KCNMA1: variants seen among roughly 807,000 people sequenced by gnomAD.
The protein encoded by KCNMA1 is Calcium-activated potassium channel subunit alpha-1.
Under a neutral mutation model 140.0 loss-of-function variants are expected in KCNMA1, and 29 were observed. The ratio of observed to expected loss-of-function variants is 0.21; its 90% confidence interval spans 0.15 to 0.28. KCNMA1 has a LOEUF of 0.28. KCNMA1 is among the 10% of genes least tolerant of loss of function. KCNMA1 has a pLI of 1.00. For synonymous variants in KCNMA1, 612 were observed against 611.9 expected, an observed-to-expected ratio of 1.00 and a Z score of 0.00; for missense variants, 880 against 1,602.2, an observed-to-expected ratio of 0.55 and a Z score of 7.70.
intron 5 of KCNMA1, among the ~76,000 whole-genome samples, chr10:77,164,629 A>C (rs2098613972): frequency 6.6e-6 from 1 of 151,810 alleles, no homozygotes; most frequent in South Asian, 2.1e-4. Flanking sequence ...TCTCTTCGCT[A>C]TCTAGACCCC....
At chr10:77,139,203 T>C (rs1199399376) in intron 5 of KCNMA1, among the ~76,000 whole-genome samples, 1 of 152,238 alleles carries the variant, frequency 6.6e-6, no homozygotes, top group Non-Finnish European at 1.5e-5. Flanking sequence ...TACTCAATTA[T>C]TCAACGTTTT....
At position 77,628,641 on chromosome 10, in the gene KCNMA1, C is replaced by T. The variant is rs12264589; in HGVS notation, c.378+8624G>A. On this transcript the variant is annotated intron_variant, in intron 1 of 27. Coordinates refer to ENST00000286628, the MANE Select transcript of KCNMA1 (RefSeq NM_001161352.2). ...TGCCAGCCTGGGCAACACAGCAAGA[C>T]GGTATCTCAAAAAAAAAAAAAAATC... Among the ~76,000 whole-genome samples, 1,310 of 149,342 alleles carry T rather than the reference C, an allele frequency of 8.8e-3. 24 individuals carry two copies. Among genetic ancestry groups the T allele is most frequent in the African/African-American group, 0.03 (1,224 of 40,634 alleles).
intron 14 of KCNMA1, among the ~76,000 whole-genome samples, chr10:77,043,142 C>T (rs1195619868): frequency 3.3e-5 from 5 of 152,204 alleles, no homozygotes; most frequent in African/African-American, 1.2e-4. Flanking sequence ...GCCTCTTCCA[C>T]ATCCTTGTGT....
chr10:77,568,033 G>A (rs2069035938), intron 1 of KCNMA1, among the ~76,000 whole-genome samples: 1 of 152,188 alleles, frequency 6.6e-6, no homozygotes, highest in African/African-American at 2.4e-5. Context: ...GACTAAACCA[G>A]GAAGAAGTTG....
intron 2 of KCNMA1, among the ~76,000 whole-genome samples, chr10:77,358,802 A>G (rs542953203): frequency 3.6e-4 from 55 of 152,362 alleles, no homozygotes; most frequent in Admixed American, 5.9e-4. Flanking sequence ...TCTGTATTAC[A>G]TAAAACATGT....
chr10:77,050,717 G>A (rs1476827212), intron 14 of KCNMA1, among the ~76,000 whole-genome samples: 1 of 152,206 alleles, frequency 6.6e-6, no homozygotes, highest in East Asian at 1.9e-4. Context: ...GTAGCAAGGA[G>A]CTGTTCCCAA....
At chr10:77,033,819 G>T (rs2094125333) in intron 15 of KCNMA1, among the ~76,000 whole-genome samples, 1 of 152,104 alleles carries the variant, frequency 6.6e-6, no homozygotes, top group Non-Finnish European at 1.5e-5. Flanking sequence ...CACCTCTTGG[G>T]TCTCTGTAGT....
At chr10:76,969,915 C>T (rs555440115) in intron 20 of KCNMA1, 59 bp downstream of exon 20, 17 of 1,348,958 alleles carry the variant, frequency 1.3e-5, no homozygotes, top group African/African-American at 2.9e-5. Context: ...GAGGAGAGGG[C>T]GAGGGGAGGA....
At chr10:77,200,486 C>T (rs2042106620) in intron 3 of KCNMA1, among the ~76,000 whole-genome samples, 1 of 152,174 alleles carries the variant, frequency 6.6e-6, no homozygotes, top group Non-Finnish European at 1.5e-5. Context: ...TCAGGGCCTG[C>T]TGCTGTCAGA....
At chr10:77,217,611 G>A in intron 3 of KCNMA1, 1 of 435,964 alleles carries the variant, frequency 2.3e-6, no homozygotes, top group Non-Finnish European at 4.7e-6. Context: ...AGAACAAAGT[G>A]GAAAATGAGA....
At chr10:76,963,876 C>T (rs901174665) in intron 20 of KCNMA1, among the ~76,000 whole-genome samples, 1 of 152,138 alleles carries the variant, frequency 6.6e-6, no homozygotes, top group African/African-American at 2.4e-5. Flanking sequence ...TCAGGCCACA[C>T]GGGTCTGTCT....
At chr10:77,508,576 C>CTTTTTTTTTTT (rs2047061603) in intron 1 of KCNMA1, among the ~76,000 whole-genome samples, 1 of 91,050 alleles carries the variant, frequency 1.1e-5, no homozygotes, top group African/African-American at 6.4e-5. Flanking sequence ...TTTTTTTTTT[C>CTTTTTTTTTTT]TTTTCTTTTT....
intron 14 of KCNMA1, among the ~76,000 whole-genome samples, chr10:77,044,852 C>T (rs1336353827): frequency 6.6e-6 from 1 of 152,096 alleles, no homozygotes. Flanking sequence ...ACACTCTTAA[C>T]CACCCACCAC....
chr10:76,887,716 G>C (rs1319035311), intron 27 of KCNMA1: 1 of 618,222 alleles, frequency 1.6e-6, no homozygotes, highest in Non-Finnish European at 2.8e-6. Flanking sequence ...AAGGAGGCCA[G>C]CCAGGAGCCC....
rs145581351 is a variant in KCNMA1, at chr10:77,156,927, C to T, written c.808+26494G>A. On this transcript the variant is annotated intron_variant, in intron 5 of 27. Transcript: ENST00000286628. ...ACATTCCCTGTTCCCTAGCCCCCTG[C>T]CCACCAAACCATCCTGAAAAACTCC... Among the ~76,000 whole-genome samples the T allele has an allele frequency of 2.9e-3, 448 of 152,234 alleles. 3 individuals are homozygous for T. The highest frequency in any genetic ancestry group is 5.8e-3 in the South Asian group (28 of 4,812).
At chr10:77,273,672 C>T (rs1376411053) in intron 2 of KCNMA1, among the ~76,000 whole-genome samples, 1 of 152,098 alleles carries the variant, frequency 6.6e-6, no homozygotes, top group African/African-American at 2.4e-5. Context: ...GAGGACAGTC[C>T]TTCAGGCAGG....
chr10:77,436,997 C>CACACACACACAA lies in KCNMA1; in HGVS notation c.379-32975_379-32974insTTGTGTGTGTGT, dbSNP rs59376789. Among the ~76,000 whole-genome samples the CACACACACACAA allele has an allele frequency of 3.5e-3, 442 of 126,954 alleles. 6 individuals are homozygous for CACACACACACAA. Among genetic ancestry groups the CACACACACACAA allele is most frequent in the Middle Eastern group, 0.011 (3 of 262 alleles). The allele number at this position is 126,954 out of a possible 152,430, so 83.3% of individuals were successfully genotyped here. The stretch of plus-strand genomic sequence containing the variant: ...ACACACACACACACACACACACACA[C>CACACACACACAA]TCCTTCAGCCAAAATGTTCCACTTT... On this transcript the variant is annotated intron_variant, in intron 1 of 27. Transcript: ENST00000286628.
intron 3 of KCNMA1, among the ~76,000 whole-genome samples, chr10:77,238,730 C>T (rs1042950429): frequency 2.0e-5 from 3 of 152,200 alleles, no homozygotes; most frequent in African/African-American, 7.2e-5. Flanking sequence ...CTGGCAGTCA[C>T]CTGATCTTCA....
At position 77,495,012 on chromosome 10, in the gene KCNMA1, G is replaced by T. The variant is rs150074374; in HGVS notation, c.379-90989C>A. 3.3e-3 allele frequency among the ~76,000 whole-genome samples: 504 copies of T among 152,212 alleles called. 2 individuals are homozygous for T. The highest frequency in any genetic ancestry group is 5.1e-3 in the Non-Finnish European group (344 of 68,020). ...CCAGTTATTTTGGGTTAGAGCCCAC[G>T]CTAATGATCTCATCTTAACTTGATC... is the stretch of plus-strand genomic sequence containing the variant. On this transcript the variant is annotated intron_variant, in intron 1 of 27. Transcript: ENST00000286628.
Sources: gnomAD v4.1 joint callset for allele counts (sites outside exome capture counted in the v4.1 genomes callset) on GRCh38, gnomAD v4.1.1 for gene constraint, MANE v1.5 for transcripts, NCBI Gene and HGNC (gene_info 2026-07-23, HGNC 2026-07-21) for gene names.